Variants in ZNF506 observed in about 807,000 individuals in gnomAD.
ZNF506 encodes the protein zinc finger protein 506.
ZNF506 carries 10 observed loss-of-function variants against 11.6 expected under a neutral mutation model. The ratio of observed to expected loss-of-function variants is 0.86; its 90% CI spans 0.53 to 1.46. The LOEUF (loss-of-function observed/expected upper bound fraction) is 1.46, where lower values mean the gene tolerates loss of function less well. Ranked by LOEUF, ZNF506 falls within the 40% of genes most tolerant of loss-of-function variation. ZNF506 has a pLI of 0.00. For synonymous variants in ZNF506, 156 were observed against 173.3 expected (o/e 0.90, Z 0.78); for missense variants, 425 against 521.2 (o/e 0.82, Z 1.80).
intron 3 of ZNF506, chr19:19,799,177 G>A: frequency 6.5e-6 from 2 of 308,794 alleles, no homozygotes; most frequent in Non-Finnish European, 1.2e-5. Flanking sequence ...ATCCATGTGT[G>A]TATTTGTGCG....
At chr19:19,816,810 CTTTTTT>C (rs34297481) in intron 1 of ZNF506, among the ~76,000 whole-genome samples, 3 of 80,258 alleles carry the variant, frequency 3.7e-5, no homozygotes, top group African/African-American at 1.8e-4. Flanking sequence ...AAAATATTTC[CTTTTTT>C]TTTTTTTTTT....
chr19:19,805,887 G>C (rs898004020), intron 3 of ZNF506, 144 bp downstream of exon 3: 3 of 677,584 alleles, frequency 4.4e-6, no homozygotes, highest in South Asian at 1.7e-5. Context: ...AAAGAAAAAA[G>C]AAAAGAAAAG....
At chr19:19,812,657 C>T (rs1568479723) in intron 1 of ZNF506, among the ~76,000 whole-genome samples, 1 of 152,230 alleles carries the variant, frequency 6.6e-6, no homozygotes, top group Admixed American at 6.5e-5. Context: ...GTTTTCTGTA[C>T]ATTCTCTATC....
chr19:19,817,845 T>G (rs981837330), intron 1 of ZNF506, among the ~76,000 whole-genome samples: 1 of 151,380 alleles, frequency 6.6e-6, no homozygotes, highest in African/African-American at 2.4e-5. Context: ...TTTTTTTTTT[T>G]TTTGAGACGG....
chr19:19,800,674 C>T lies in ZNF506; in HGVS notation c.227-5014G>A, dbSNP rs141326652. 5.6e-3 allele frequency among the ~76,000 whole-genome samples: 844 copies of T among 151,262 alleles called. 3 individuals are homozygous for T. The highest frequency in any genetic ancestry group is 9.5e-3 in the Non-Finnish European group (645 of 67,808). Reference sequence around the variant, plus strand: ...TCATGATCCGCCTGCCTTGGCCTCCCGAAGTGCTGGGACTACAGGTGTGAG... The same window carrying T: ...TCATGATCCGCCTGCCTTGGCCTCCTGAAGTGCTGGGACTACAGGTGTGAG... On this transcript the variant is annotated intron_variant, in intron 3 of 3. Coordinates refer to ENST00000540806, the MANE Select transcript of ZNF506 (RefSeq NM_001099269.3).
intron 1 of ZNF506, among the ~76,000 whole-genome samples, chr19:19,811,185 A>G (rs1367990038): frequency 1.3e-5 from 2 of 152,186 alleles, no homozygotes; most frequent in African/African-American, 2.4e-5. Flanking sequence ...TTTGAGATGC[A>G]GTCTCACTCT....
rs999595488 is a variant in ZNF506 at position 19,814,212 on chromosome 19, C to T, written c.4-7144G>A. ...TCACATGAGGTGCGGAGTTTGAGAC[C>T]AGCCTGACCAACATGGAGAAACCCC... is the stretch of plus-strand genomic sequence containing the variant. On this transcript the variant is annotated intron_variant, in intron 1 of 3. Coordinates refer to ENST00000540806, the MANE Select transcript of ZNF506 (RefSeq NM_001099269.3). Among the ~76,000 whole-genome samples the T allele has an allele frequency of 2.6e-5, 4 of 151,772 alleles. No homozygotes were observed. The South Asian group carries it at 8.3e-4, about 32-fold the overall frequency.
At chr19:19,819,824 C>T (rs1004989122) in intron 1 of ZNF506, among the ~76,000 whole-genome samples, 5 of 152,132 alleles carry the variant, frequency 3.3e-5, no homozygotes, top group Non-Finnish European at 5.9e-5. Context: ...ATTGGTCAGG[C>T]GCAGTGGCTC....
rs946619447 is a variant in ZNF506, at chr19:19,821,725, G to C, written c.-122C>G. 24 of 1,299,208 alleles carry C rather than the reference G, an allele frequency of 1.8e-5. No homozygotes were observed. Among genetic ancestry groups the C allele is most frequent in the Admixed American group, 8.8e-5 (5 of 57,058 alleles). 80.5% of individuals were successfully genotyped at this position (1,299,208 alleles called of 1,614,324 possible). A position where few individuals can be genotyped will look rare whatever the true frequency, so the allele number is the denominator to read the frequency against. On this transcript the variant is annotated 5_prime_UTR_variant, in exon 1 of 4. The change creates a new upstream start codon in the 5' untranslated region. Transcript: ENST00000540806. Reference sequence around the variant, plus strand: ...CACAGAGCAGTGAAGACGATAGCTGGATCTCTGGCGTCAGCGAGAGACAAT... The same window carrying C: ...CACAGAGCAGTGAAGACGATAGCTGCATCTCTGGCGTCAGCGAGAGACAAT...
Position 19,821,293 on chromosome 19 carries a change from C to A in ZNF506, c.3+308G>T, listed in dbSNP as rs146319253. On this transcript the variant is annotated intron_variant, in intron 1 of 3. Transcript: ENST00000540806. ...CCCGCACCCCGAGTCAGGATTCTCCCCTGACGACCTTCCCGTGGCCCCTGA... is the reference window on the plus strand; with the variant it reads ...CCCGCACCCCGAGTCAGGATTCTCCACTGACGACCTTCCCGTGGCCCCTGA... Among the ~76,000 whole-genome samples, 823 of 152,310 alleles carry A rather than the reference C, an allele frequency of 5.4e-3. 6 individuals are homozygous for A. The highest frequency in any genetic ancestry group is 8.6e-3 in the Non-Finnish European group (586 of 68,034).
intron 2 of ZNF506, 153 bp from the exon 3 acceptor site, chr19:19,806,279 A>G (rs557678996): frequency 2.9e-4 from 118 of 401,568 alleles, no homozygotes; most frequent in African/African-American, 2.5e-3. Context: ...TTTTTGAGGC[A>G]GAGTTTCACT....
chr19:19,811,847 C>G (rs2145198909), intron 1 of ZNF506, among the ~76,000 whole-genome samples: 1 of 152,228 alleles, frequency 6.6e-6, no homozygotes, highest in African/African-American at 2.4e-5. Flanking sequence ...ATGTAGACAT[C>G]AGAAGCCACA....
chr19:19,805,269 A>ATTT (rs1478372873), intron 3 of ZNF506, among the ~76,000 whole-genome samples: 21 of 152,264 alleles, frequency 1.4e-4, no homozygotes, highest in Non-Finnish European at 2.5e-4. Context: ...GAAAAAATTA[A>ATTT]CCAAGGAGGT....
Position 19,794,964 on chromosome 19 carries a change from G to T in ZNF506, c.923C>A (p.Thr308Asn). 6.2e-7 allele frequency: 1 copy of T among 1,613,794 alleles called. No individual in the cohort carries two copies. Among genetic ancestry groups the T allele is most frequent in the Non-Finnish European group, 8.5e-7 (1 of 1,179,978 alleles). Residue 308 changes from threonine to asparagine, a missense_variant, in exon 4 of 4, where the codon ACT becomes AAT. Thr to Asn is a moderately conservative substitution (Grantham distance 65). Transcript: ENST00000540806. ...STLTKHEIIH[T>N]GEKPYKCEEC... is the part of the protein sequence containing the mutation. ...CTCACATTTGTAGGGTTTCTCTCCA[G>T]TATGAATTATCTCATGTTTAGTAAG...
chr19:19,803,704 G>A (rs10412409), intron 3 of ZNF506, among the ~76,000 whole-genome samples: 40,830 of 148,168 alleles, frequency 0.28, 6,333 homozygotes, highest in African/African-American at 0.45. Context: ...CCCAATAAAA[G>A]ATTTTTTACT....
chr19:19,806,831 A>G (rs2304171), intron 2 of ZNF506, 111 bp downstream of exon 2: 272,006 of 1,267,438 alleles, frequency 0.21, 33,161 homozygotes, highest in African/African-American at 0.5. Flanking sequence ...TGGAAAAAGG[A>G]GATCTGAAAC....
chr19:19,816,371 T>C (rs2062931471), intron 1 of ZNF506, among the ~76,000 whole-genome samples: 1 of 151,708 alleles, frequency 6.6e-6, no homozygotes, highest in South Asian at 2.1e-4. Flanking sequence ...TTCGGTGGTG[T>C]TTTTGAGATG....
intron 3 of ZNF506, among the ~76,000 whole-genome samples, chr19:19,805,000 T>G (rs1020976132): frequency 6.6e-6 from 1 of 151,940 alleles, no homozygotes; most frequent in Non-Finnish European, 1.5e-5. Context: ...AGTTAATGGG[T>G]GCAGCAAACC....
chr19:19,799,829 A>G (rs1308846810), intron 3 of ZNF506, among the ~76,000 whole-genome samples: 2 of 150,316 alleles, frequency 1.3e-5, no homozygotes, highest in African/African-American at 2.4e-5. Flanking sequence ...CAGCAAATCC[A>G]AAACTATATG....
Sources: allele counts gnomAD v4.1 joint callset (sites outside exome capture counted in the v4.1 genomes callset), GRCh38; gene constraint gnomAD v4.1.1; transcripts MANE v1.5; gene names NCBI Gene and HGNC (gene_info 2026-07-23, HGNC 2026-07-21).